Variants in AP3S1 observed in about 807,000 individuals in gnomAD.
AP3S1 encodes adaptor related protein complex 3 subunit sigma 1.
A neutral mutation model predicts 21.3 loss-of-function variants in AP3S1; 12 were observed. That is an observed-to-expected ratio of 0.56 (90% CI 0.36 to 0.91). AP3S1 has a LOEUF of 0.91. AP3S1 is among the 40% of genes least tolerant of loss of function. The pLI is 0.01. For synonymous variants in AP3S1, 48 were observed against 78.4 expected, an observed-to-expected ratio of 0.61 and a Z score of 2.05; for missense variants, 116 against 225.0, an observed-to-expected ratio of 0.52 and a Z score of 3.10.
At position 115,913,362 on chromosome 5, in the gene AP3S1, G is replaced by A. The variant is rs114231090; in HGVS notation, c.454G>A (p.Ala152Thr). 859 of 1,612,188 alleles carry A rather than the reference G, an allele frequency of 5.3e-4. 5 individuals are homozygous for A. In the African/African-American group the frequency reaches 0.01, roughly 20 times the overall value. ...TTCTTTTATTTGCTTCTGTATACAG[G>A]CTGGCTTAGCAGGAGCTCCAGCCCG... is the stretch of plus-strand genomic sequence containing the variant. Reference protein sequence around the residue: ...DAQNKLEKSEAGLAGAPARAV... With the variant: ...DAQNKLEKSETGLAGAPARAV... Residue 152 changes from alanine (A) to threonine (T), a missense_variant and splice_region_variant, in exon 6 of 6, where the codon GCT becomes ACT. Around this residue, in one of 3 missense-constraint regions of AP3S1, gnomAD observed 65 missense variants for 148.2 expected, o/e 0.44. Transcript: ENST00000316788.
At chr5:115,870,587 T>C (rs1040267503) in intron 3 of AP3S1, among the ~76,000 whole-genome samples, 2 of 152,194 alleles carry the variant, frequency 1.3e-5, no homozygotes, top group African/African-American at 4.8e-5. Context: ...CCCTTTGAAG[T>C]AGTGGCCATT....
chr5:115,844,030 A>T (rs1761870682), intron 1 of AP3S1, among the ~76,000 whole-genome samples: 2 of 152,254 alleles, frequency 1.3e-5, no homozygotes, highest in Admixed American at 6.5e-5. Flanking sequence ...GGCCGTTTAT[A>T]GGTGGAGTAT....
At chr5:115,862,323 A>T (rs1763258271) in intron 1 of AP3S1, among the ~76,000 whole-genome samples, 1 of 151,562 alleles carries the variant, frequency 6.6e-6, no homozygotes, top group Non-Finnish European at 1.5e-5. Flanking sequence ...CTAGAAATAT[A>T]AAAAAAAATT....
chr5:115,848,965 CT>C (rs965254390), intron 1 of AP3S1, among the ~76,000 whole-genome samples: 28 of 152,166 alleles, frequency 1.8e-4, no homozygotes, highest in African/African-American at 6.8e-4. Context: ...GGAGGAAGCC[CT>C]TGTAGAGTTA....
At chr5:115,853,406 T>C (rs922598748) in intron 1 of AP3S1, among the ~76,000 whole-genome samples, 1 of 152,214 alleles carries the variant, frequency 6.6e-6, no homozygotes, top group African/African-American at 2.4e-5. Flanking sequence ...TCTCCTCCCA[T>C]TCCATAGGTT....
chr5:115,867,554 C>T (rs147546325), intron 2 of AP3S1, among the ~76,000 whole-genome samples: 236 of 152,194 alleles, frequency 1.6e-3, no homozygotes, highest in African/African-American at 5.4e-3. Context: ...ACAGGGAATC[C>T]ATGGTCATAA....
chr5:115,846,073 CTT>C (rs559739912), intron 1 of AP3S1, among the ~76,000 whole-genome samples: 87 of 152,078 alleles, frequency 5.7e-4, no homozygotes, highest in African/African-American at 2.0e-3. Flanking sequence ...ACTAATGAGA[CTT>C]ATATTTTATA....
intron 3 of AP3S1, among the ~76,000 whole-genome samples, chr5:115,889,843 G>T (rs1750131037): frequency 6.6e-6 from 1 of 151,988 alleles, no homozygotes; most frequent in Non-Finnish European, 1.5e-5. Flanking sequence ...AATAGAAAAT[G>T]AGCAGAAATC....
chr5:115,867,406 A>G (rs565244196), intron 2 of AP3S1, among the ~76,000 whole-genome samples: 31 of 152,306 alleles, frequency 2.0e-4, no homozygotes, highest in African/African-American at 7.2e-4. Flanking sequence ...GAATAAGAAT[A>G]TTGCCAAATA....
chr5:115,872,317 A>T (rs1412414106), intron 3 of AP3S1, among the ~76,000 whole-genome samples: 1 of 152,094 alleles, frequency 6.6e-6, no homozygotes, highest in East Asian at 1.9e-4. Flanking sequence ...TTAATAAAAT[A>T]AAAAAGGAGA....
chr5:115,902,653 G>A (rs1348780235), intron 4 of AP3S1, among the ~76,000 whole-genome samples: 1 of 152,016 alleles, frequency 6.6e-6, no homozygotes, highest in Non-Finnish European at 1.5e-5. Context: ...TCCTATGAAG[G>A]TAGTACTATT....
chr5:115,871,299 C>T (rs1351058777), intron 3 of AP3S1, among the ~76,000 whole-genome samples: 1 of 152,082 alleles, frequency 6.6e-6, no homozygotes, highest in Non-Finnish European at 1.5e-5. Flanking sequence ...TTCTTGGTTC[C>T]CTGGCATTCA....
At chr5:115,878,660 G>T (rs141164112) in intron 3 of AP3S1, among the ~76,000 whole-genome samples, 2 of 152,204 alleles carry the variant, frequency 1.3e-5, no homozygotes, top group East Asian at 3.9e-4. Flanking sequence ...CTTTTGTTTA[G>T]GATTGTCTTG....
chr5:115,858,012 A>G (rs1286160823), intron 1 of AP3S1, among the ~76,000 whole-genome samples: 2 of 152,076 alleles, frequency 1.3e-5, no homozygotes, highest in African/African-American at 4.8e-5. Context: ...ATCTTTTCTC[A>G]GTTTTAGGTT....
chr5:115,855,275 A>G, intron 1 of AP3S1, among the ~76,000 whole-genome samples: 1 of 151,584 alleles, frequency 6.6e-6, no homozygotes, highest in East Asian at 2.0e-4. Context: ...CTGACCTCAA[A>G]TGATCTGCCT....
chr5:115,885,067 T>A (rs1418960002), intron 3 of AP3S1, among the ~76,000 whole-genome samples: 1 of 152,324 alleles, frequency 6.6e-6, no homozygotes, highest in East Asian at 1.9e-4. Flanking sequence ...CCAGCATAAT[T>A]TACCATGTTA....
intron 1 of AP3S1, 71 bp downstream of exon 1, chr5:115,842,177 T>A: frequency 6.7e-7 from 1 of 1,503,616 alleles, no homozygotes; most frequent in Non-Finnish European, 8.9e-7. Context: ...AGCGCGGCTT[T>A]CTCAGAGCGA....
At chr5:115,900,200 T>C (rs1381596976) in intron 4 of AP3S1, among the ~76,000 whole-genome samples, 1 of 152,194 alleles carries the variant, frequency 6.6e-6, no homozygotes, top group African/African-American at 2.4e-5. Context: ...TTCTAGAGTA[T>C]TTTTCTTTAT....
chr5:115,867,857 C>T (rs1747829068), intron 2 of AP3S1, among the ~76,000 whole-genome samples: 2 of 152,146 alleles, frequency 1.3e-5, no homozygotes, highest in Admixed American at 1.3e-4. Context: ...ATTAATCTTA[C>T]TAGGGTGCTA....
Sources: gnomAD v4.1 joint callset for allele counts (sites outside exome capture counted in the v4.1 genomes callset) on GRCh38, gnomAD v4.1.1 for gene constraint, gnomAD v4.1.1 regional missense constraint, MANE v1.5 for transcripts, NCBI Gene and HGNC (gene_info 2026-07-23, HGNC 2026-07-21) for gene names.